Variants in RBFOX1 observed in about 807,000 individuals in gnomAD.
RBFOX1 encodes the protein RNA binding fox-1 homolog 1, also known as RNA binding protein fox-1 homolog 1.
RBFOX1 carries 8 observed loss-of-function variants against 57.7 expected under a neutral mutation model. That is an observed-to-expected ratio of 0.14 (90% CI 0.08 to 0.25). RBFOX1 has a LOEUF of 0.25. Among genes scored for constraint, RBFOX1 ranks in the 10% least tolerant of loss-of-function variants. The pLI is 1.00. For missense variants in RBFOX1, 611 were observed against 548.5 expected (o/e 1.11, Z -1.14); for synonymous variants, 326 against 222.4 (o/e 1.47, Z -4.15).
rs1231560510 is a variant in RBFOX1 at position 6,895,486 on chromosome 16, A to ATATATATATG, written c.-15-156570_-15-156569insATATATATGT. Among the ~76,000 whole-genome samples the ATATATATATG allele has an allele frequency of 2.5e-3, 231 of 91,772 alleles. 1 individual carries two copies. Among genetic ancestry groups the ATATATATATG allele is most frequent in the Middle Eastern group, 0.012 (2 of 166 alleles). 60.2% of individuals were successfully genotyped at this position (91,772 alleles called of 152,430 possible). On this transcript the variant is annotated intron_variant, in intron 3 of 15. Transcript: ENST00000550418. ...TATATATATATATATATATATATAT[A>ATATATATATG]TTTATTCCCCTATTGGATAACAAGC...
At chr16:6,647,124 C>T (rs12325162) in intron 2 of RBFOX1, among the ~76,000 whole-genome samples, 3,851 of 152,276 alleles carry the variant, frequency 0.025, 173 homozygotes, top group African/African-American at 0.088. Context: ...GGCTTGTAGT[C>T]AGTCATTCTC....
chr16:7,072,049 A>G (rs182680787), intron 4 of RBFOX1, among the ~76,000 whole-genome samples: 5 of 152,304 alleles, frequency 3.3e-5, no homozygotes, highest in Admixed American at 2.0e-4. Context: ...AAACTAGATT[A>G]TTTCAATAGC....
intron 2 of RBFOX1, among the ~76,000 whole-genome samples, chr16:6,493,505 A>G: frequency 6.6e-6 from 1 of 152,100 alleles, no homozygotes; most frequent in Admixed American, 6.6e-5. Flanking sequence ...TTTTTTATTC[A>G]TCTGTGGGTC....
chr16:6,045,127 C>T (rs993931716), intron 1 of RBFOX1, among the ~76,000 whole-genome samples: 44 of 152,158 alleles, frequency 2.9e-4, no homozygotes, highest in African/African-American at 8.9e-4. Flanking sequence ...TTTTAATGAG[C>T]GTGCAAATCA....
chr16:7,428,768 C>G (rs1031108715), intron 4 of RBFOX1, among the ~76,000 whole-genome samples: 1 of 151,862 alleles, frequency 6.6e-6, no homozygotes, highest in Non-Finnish European at 1.5e-5. Context: ...TTCTTTCTTT[C>G]TCTTTTATTT....
intron 1 of RBFOX1, among the ~76,000 whole-genome samples, chr16:6,090,855 G>T (rs1299701846): frequency 6.6e-6 from 1 of 152,172 alleles, no homozygotes; most frequent in Non-Finnish European, 1.5e-5. Flanking sequence ...GGAAGAGAAG[G>T]GGTGCACAGT....
At chr16:6,238,233 A>G (rs2097521887) in intron 1 of RBFOX1, among the ~76,000 whole-genome samples, 1 of 152,148 alleles carries the variant, frequency 6.6e-6, no homozygotes, top group Non-Finnish European at 1.5e-5. Flanking sequence ...TTCACAGTGG[A>G]ATTACAGTAT....
intron 3 of RBFOX1, among the ~76,000 whole-genome samples, chr16:6,897,417 A>C (rs994526116): frequency 6.6e-6 from 1 of 152,004 alleles, no homozygotes; most frequent in Non-Finnish European, 1.5e-5. Flanking sequence ...ACACAAAAGG[A>C]AACATTTGCA....
At chr16:6,109,538 C>G (rs771401202) in intron 1 of RBFOX1, among the ~76,000 whole-genome samples, 1 of 152,074 alleles carries the variant, frequency 6.6e-6, no homozygotes. Context: ...CCATTGTAGT[C>G]CAAACTTAAA....
intron 2 of RBFOX1, among the ~76,000 whole-genome samples, chr16:6,529,755 A>T (rs895946677): frequency 6.6e-6 from 1 of 152,130 alleles, no homozygotes; most frequent in African/African-American, 2.4e-5. Context: ...TTAAAGTTCT[A>T]CAAAACGCCA....
chr16:6,874,385 C>T (rs906683287), intron 3 of RBFOX1, among the ~76,000 whole-genome samples: 1 of 151,930 alleles, frequency 6.6e-6, no homozygotes, highest in African/African-American at 2.4e-5. Context: ...TGGCAGGTGC[C>T]TGTAGTCCCA....
At chr16:6,413,530 CTGTT>C (rs1211669165) in intron 2 of RBFOX1, among the ~76,000 whole-genome samples, 9 of 152,218 alleles carry the variant, frequency 5.9e-5, no homozygotes, top group African/African-American at 1.9e-4. Flanking sequence ...TTGCAAATGA[CTGTT>C]TGCCATATGA....
intron 1 of RBFOX1, among the ~76,000 whole-genome samples, chr16:5,439,593 C>A (rs779471384): frequency 6.6e-6 from 1 of 151,854 alleles, no homozygotes; most frequent in African/African-American, 2.4e-5. Context: ...AGAGAAAGGA[C>A]GTCTCTGAGA....
At chr16:6,646,465 G>A (rs1023691244) in intron 2 of RBFOX1, among the ~76,000 whole-genome samples, 2 of 152,058 alleles carry the variant, frequency 1.3e-5, no homozygotes, top group African/African-American at 2.4e-5. Context: ...GCTCTTTTCT[G>A]TCGCTTGCGT....
chr16:7,507,887 A>T (rs67492321), intron 4 of RBFOX1, among the ~76,000 whole-genome samples: 1 of 150,158 alleles, frequency 6.7e-6, no homozygotes, highest in South Asian at 2.1e-4. Context: ...TTAAAAGAAT[A>T]CATAAGGAGC....
At chr16:6,565,520 G>C (rs1358401002) in intron 2 of RBFOX1, among the ~76,000 whole-genome samples, 1 of 150,196 alleles carries the variant, frequency 6.7e-6, no homozygotes, top group Non-Finnish European at 1.5e-5. Flanking sequence ...GCTTCCCAAA[G>C]TGCTCGGATT....
At chr16:5,241,160 C>CT (rs1401284870) in intron 1 of RBFOX1, among the ~76,000 whole-genome samples, 4 of 152,308 alleles carry the variant, frequency 2.6e-5, no homozygotes, top group East Asian at 1.9e-4. Flanking sequence ...CCTCAGAGCC[C>CT]CCCCTGCCCA....
At chr16:6,082,062 G>A (rs1022895030) in intron 1 of RBFOX1, among the ~76,000 whole-genome samples, 5 of 152,166 alleles carry the variant, frequency 3.3e-5, no homozygotes, top group African/African-American at 1.2e-4. Context: ...CTGAGCCTTG[G>A]TGTCTGTGTC....
At chr16:6,679,816 G>C (rs1045956442) in intron 3 of RBFOX1, among the ~76,000 whole-genome samples, 2 of 149,740 alleles carry the variant, frequency 1.3e-5, no homozygotes, top group African/African-American at 2.5e-5. Flanking sequence ...TAATTCATCA[G>C]AGATGCAGAG....
Sources: allele counts gnomAD v4.1 joint callset (sites outside exome capture counted in the v4.1 genomes callset), GRCh38; gene constraint gnomAD v4.1.1; transcripts MANE v1.5; gene names NCBI Gene and HGNC (gene_info 2026-07-23, HGNC 2026-07-21).